The following RFLNA variants were observed in gnomAD, a reference collection of about 807,000 sequenced individuals.
RFLNA encodes refilin-A.
In RFLNA, 5 loss-of-function variants were observed where a neutral mutation model predicts 7.8. The observed-to-expected ratio is 0.64, with a 90% confidence interval of 0.34 to 1.35. The LOEUF (loss-of-function observed/expected upper bound fraction) is 1.35. RFLNA is among the 40% of genes most tolerant of loss of function. RFLNA has a pLI of 0.04. For synonymous variants in RFLNA, 141 were observed against 131.3 expected, an observed-to-expected ratio of 1.07 and a Z score of -0.50; for missense variants, 278 against 305.5, an observed-to-expected ratio of 0.91 and a Z score of 0.67.
rs1055388966 is a variant in RFLNA, at chr12:124,295,605, C to T, written c.176C>T (p.Ser59Leu). The change falls in exon 1 of 3, where the codon TCG becomes TTG. Residue 59 changes from serine to leucine, a missense_variant. Coordinates refer to ENST00000546355, the MANE Select transcript of RFLNA (RefSeq NM_001365156.1). The stretch of plus-strand genomic sequence containing the variant: ...CGCGCGGGGGGCGCCGGCGCCTCCT[C>T]GGAGCCCCCGGGACCCAGCGAGGCC... ...DARAGGAGASSEPPGPSEARA... is the reference protein window; with the variant it reads ...DARAGGAGASLEPPGPSEARA... 8.9e-6 allele frequency: 11 copies of T among 1,238,222 alleles called. No individual in the cohort carries two copies. The highest frequency in any genetic ancestry group is 1.0e-5 in the Non-Finnish European group (10 of 990,816). The allele number at this position is 1,238,222 out of a possible 1,614,324, so 76.7% of individuals were successfully genotyped here.
chr12:124,312,027 G>A (rs114153127), intron 2 of RFLNA, 100 bp downstream of exon 2: 21,641 of 1,365,152 alleles, frequency 0.016, 242 homozygotes, highest in African/African-American at 0.049. Context: ...GGCCAAGCTG[G>A]GGGCTCAGGA....
rs923600229 is a variant in RFLNA at position 124,306,726 on chromosome 12, G to A, written c.208-5092G>A. On this transcript the variant is annotated intron_variant, in intron 1 of 2. Transcript: ENST00000546355. The surrounding 1 kb of genome is among the most constrained non-coding windows in gnomAD (Gnocchi z 5.2). ...GGATCAGATGAGTAGGATATGTGGC[G>A]AGTGCCCAGAATGGTGCCCGGCACA... Among the ~76,000 whole-genome samples, 1 of 152,144 alleles carries A rather than the reference G, an allele frequency of 6.6e-6. No homozygotes were observed. Among genetic ancestry groups the A allele is most frequent in the Non-Finnish European group, 1.5e-5 (1 of 68,026 alleles).
At chr12:124,310,281 AC>A (rs1199939345) in intron 1 of RFLNA, among the ~76,000 whole-genome samples, 1 of 149,412 alleles carries the variant, frequency 6.7e-6, no homozygotes, top group Non-Finnish European at 1.5e-5. Flanking sequence ...GCCCTGAAGG[AC>A]CCCCGAGTAC....
intron 1 of RFLNA, among the ~76,000 whole-genome samples, chr12:124,309,865 G>C (rs1423914102): frequency 1.3e-5 from 2 of 152,166 alleles, no homozygotes; most frequent in African/African-American, 4.8e-5. Context: ...GAACATCTAG[G>C]GCTGCCTTAA....
intron 1 of RFLNA, among the ~76,000 whole-genome samples, chr12:124,296,897 C>A (rs931520364): frequency 6.6e-6 from 1 of 152,168 alleles, no homozygotes; most frequent in Non-Finnish European, 1.5e-5. Flanking sequence ...TATCTTAGAC[C>A]AAATCATGCA....
upstream of RFLNA, among the ~76,000 whole-genome samples, chr12:124,290,516 A>G (rs553756275): frequency 6.6e-6 from 1 of 151,750 alleles, no homozygotes; most frequent in South Asian, 2.1e-4. The surrounding 1 kb of genome is among the most constrained non-coding windows in gnomAD (Gnocchi z 4.0). Context: ...ATCTGTGTGT[A>G]TGTGTGTATA....
chr12:124,300,593 T>C (rs1218205074), intron 1 of RFLNA, among the ~76,000 whole-genome samples: 2 of 151,214 alleles, frequency 1.3e-5, no homozygotes, highest in Non-Finnish European at 2.9e-5. Flanking sequence ...GATAGATAGA[T>C]GGATGGATGG....
chr12:124,308,544 C>G (rs908843379), intron 1 of RFLNA, among the ~76,000 whole-genome samples: 33 of 152,232 alleles, frequency 2.2e-4, no homozygotes, highest in African/African-American at 8.0e-4. Flanking sequence ...ACTTCTGGGT[C>G]CATCTCATCT....
At chr12:124,297,238 G>T (rs546085288) in intron 1 of RFLNA, among the ~76,000 whole-genome samples, 44 of 152,276 alleles carry the variant, frequency 2.9e-4, no homozygotes, top group African/African-American at 9.9e-4. Flanking sequence ...GGGCCAGCCC[G>T]TGGCTGCCGC....
chr12:124,303,003 C>T (rs1263858251), intron 1 of RFLNA, among the ~76,000 whole-genome samples: 1 of 152,200 alleles, frequency 6.6e-6, no homozygotes, highest in Non-Finnish European at 1.5e-5. Flanking sequence ...CTCTGGGTAC[C>T]TCCTCCTGCC....
intron 1 of RFLNA, among the ~76,000 whole-genome samples, chr12:124,296,298 C>T (rs759908667): frequency 4.0e-5 from 6 of 149,474 alleles, no homozygotes; most frequent in Admixed American, 6.7e-5. Context: ...GCTGGAACCT[C>T]GGGTCAGGAA....
intron 1 of RFLNA, among the ~76,000 whole-genome samples, chr12:124,303,937 G>A (rs2034093398): frequency 1.3e-5 from 2 of 152,188 alleles, no homozygotes; most frequent in African/African-American, 4.8e-5. Flanking sequence ...ACAGGTCCCC[G>A]TGTGCATGTG....
chr12:124,304,292 C>T (rs916840776), intron 1 of RFLNA, among the ~76,000 whole-genome samples: 7 of 152,254 alleles, frequency 4.6e-5, no homozygotes, highest in African/African-American at 1.2e-4. Flanking sequence ...GCCGTCTCAC[C>T]GCCCAGGCCC....
intron 1 of RFLNA, among the ~76,000 whole-genome samples, chr12:124,308,909 G>C (rs2034185137): frequency 6.6e-6 from 1 of 152,238 alleles, no homozygotes; most frequent in Non-Finnish European, 1.5e-5. Context: ...CAGTGAGCGT[G>C]TTCTGGATCT....
rs1182523372 is a variant in RFLNA, at chr12:124,297,214, G to A, written c.207+1578G>A. On this transcript the variant is annotated intron_variant, in intron 1 of 2. Coordinates refer to ENST00000546355, the MANE Select transcript of RFLNA (RefSeq NM_001365156.1). ...TCCTTACAGAGGGTTTTCTGGAAGC[G>A]TTCTCTGCCATCCGGGCCAGCCCGT... 7.9e-5 allele frequency among the ~76,000 whole-genome samples: 12 copies of A among 152,154 alleles called. No individual in the cohort carries two copies. The East Asian group carries it at 1.4e-3, about 17-fold the overall frequency.
intron 2 of RFLNA, 86 bp downstream of exon 2, chr12:124,312,013 A>T: frequency 7.1e-7 from 1 of 1,411,454 alleles, no homozygotes; most frequent in East Asian, 2.9e-5. Context: ...GGGGGTGGGG[A>T]CTAGGCCAAG....
chr12:124,294,324 A>T (rs1456814992), upstream of RFLNA, among the ~76,000 whole-genome samples: 1 of 151,510 alleles, frequency 6.6e-6, no homozygotes, highest in African/African-American at 2.4e-5. Context: ...GTCCGTGGAC[A>T]CCCCCAGCTG....
At chr12:124,308,820 C>T (rs1459941661) in intron 1 of RFLNA, among the ~76,000 whole-genome samples, 1 of 152,238 alleles carries the variant, frequency 6.6e-6, no homozygotes, top group Non-Finnish European at 1.5e-5. Flanking sequence ...TCATTTGGGG[C>T]TGGGGCCGGC....
intron 1 of RFLNA, among the ~76,000 whole-genome samples, chr12:124,311,250 T>C (rs2034238393): frequency 6.6e-6 from 1 of 152,182 alleles, no homozygotes; most frequent in Non-Finnish European, 1.5e-5. Flanking sequence ...GGGTAGGCCC[T>C]CCCTGCCCTC....
Sources: allele counts gnomAD v4.1 joint callset (sites outside exome capture counted in the v4.1 genomes callset), GRCh38; gene constraint gnomAD v4.1.1; non-coding constraint Gnocchi (gnomAD v3.1); transcripts MANE v1.5; gene names NCBI Gene and HGNC (gene_info 2026-07-23, HGNC 2026-07-21).